The following MARK2 variants were observed in gnomAD, a reference collection of about 807,000 sequenced individuals.
The protein encoded by MARK2 is serine/threonine-protein kinase MARK2.
In MARK2, 16 loss-of-function variants were observed where a neutral mutation model predicts 89.8. The observed-to-expected ratio is 0.18, with a 90% CI of 0.12 to 0.27. MARK2 has a LOEUF of 0.27. MARK2 is among the 10% of genes least tolerant of loss of function. The probability of loss-of-function intolerance (pLI) is 1.00; values close to 1 mark genes in which losing one functional copy is unlikely to be tolerated. For synonymous variants in MARK2, 382 were observed against 399.5 expected, an observed-to-expected ratio of 0.96 and a Z score of 0.52; for missense variants, 621 against 1,049.9, an observed-to-expected ratio of 0.59 and a Z score of 5.65.
At chr11:63,881,752 C>T (rs1255560704) in intron 1 of MARK2, among the ~76,000 whole-genome samples, 1 of 152,038 alleles carries the variant, frequency 6.6e-6, no homozygotes, top group Non-Finnish European at 1.5e-5. Flanking sequence ...TTGAGGCCAG[C>T]CTGGGCAAGA....
Position 63,906,133 on chromosome 11 carries a change from G to GTT in MARK2, c.1961+20_1961+21insTT. ...CCAGAAGGTAGGCGTTGAGCCCGCTGTGTGTGTGTGTGTGTGTGTGTGTCT... is the reference window on the plus strand; with the variant it reads ...CCAGAAGGTAGGCGTTGAGCCCGCTGTTTGTGTGTGTGTGTGTGTGTGTGTCT... On this transcript the variant is annotated intron_variant, in intron 17 of 18. Transcript: ENST00000402010. 5.2e-6 allele frequency: 1 copy of GTT among 193,008 alleles called. No homozygotes were observed. Among genetic ancestry groups the GTT allele is most frequent in the Non-Finnish European group, 7.5e-6 (1 of 134,060 alleles). 12.0% of individuals were successfully genotyped at this position (193,008 alleles called of 1,614,324 possible).
In MARK2 at chr11:63,853,968, G is replaced by A. The variant is rs1277104425; in HGVS notation, c.54+14408G>A. 3.3e-5 allele frequency among the ~76,000 whole-genome samples: 5 copies of A among 152,194 alleles called. No homozygotes were observed. In the East Asian group the frequency reaches 9.6e-4, roughly 29 times the overall value. On this transcript the variant is annotated intron_variant, in intron 1 of 18. Transcript: ENST00000402010. ...GCTCACTGCCACCTCTGCCTCCTGG[G>A]TTCAAGTGATTCTCCTGCCTCAGCC...
chr11:63,902,862 C>T lies in MARK2; in HGVS notation c.1416+80C>T. 1 of 1,274,624 alleles carries T rather than the reference C, an allele frequency of 7.8e-7. No homozygotes were observed. Among genetic ancestry groups the T allele is most frequent in the South Asian group, 1.3e-5 (1 of 79,372 alleles). The allele number at this position is 1,274,624 out of a possible 1,614,324, so 79.0% of individuals were successfully genotyped here. Reference sequence around the variant, plus strand: ...CAGGCAGCTCTTCTCTTAATTCAGACTCTGTTCCCTTTGGCTACTACTTCT... The same window carrying T: ...CAGGCAGCTCTTCTCTTAATTCAGATTCTGTTCCCTTTGGCTACTACTTCT... On this transcript the variant is annotated intron_variant, in intron 13 of 18. Coordinates refer to ENST00000402010, the MANE Select transcript of MARK2 (RefSeq NM_001039469.3). The surrounding 1 kb of genome is among the most constrained non-coding windows in gnomAD (Gnocchi z 4.2).
At chr11:63,890,128 G>C in intron 1 of MARK2, 1 of 602,526 alleles carries the variant, frequency 1.7e-6, no homozygotes, top group East Asian at 6.4e-5. Flanking sequence ...GCTAGGTGAG[G>C]AAGTTGCCTC....
Position 63,903,119 on chromosome 11 carries a change from C to G in MARK2, c.1475C>G (p.Ala492Gly), listed in dbSNP as rs749385715. The G allele has an allele frequency of 2.5e-6, 4 of 1,613,912 alleles. No individual in the cohort carries two copies. The South Asian group carries it at 3.3e-5, about 13-fold the overall frequency. Reference sequence around the variant, plus strand: ...AGGAATTCCCCACTTTTGGAGCGGGCCAGCCTCGGCCAGGCCTCCATCCAG... The same window carrying G: ...AGGAATTCCCCACTTTTGGAGCGGGGCAGCCTCGGCCAGGCCTCCATCCAG... ...RSRNSPLLER[A>G]SLGQASIQNG... The change falls in exon 14 of 19, where the codon GCC becomes GGC. Residue 492 changes from alanine to glycine, a missense_variant. Coordinates refer to ENST00000402010, the MANE Select transcript of MARK2 (RefSeq NM_001039469.3). The surrounding 1 kb of genome is among the most constrained non-coding windows in gnomAD (Gnocchi z 5.1).
chr11:63,856,768 G>GGTTTTTTTTTTTTTT (rs1565100741), intron 1 of MARK2, among the ~76,000 whole-genome samples: 1 of 53,796 alleles, frequency 1.9e-5, no homozygotes, highest in African/African-American at 7.3e-5. Context: ...AATTTTTCAT[G>GGTTTTTTTTTTTTTT]TTTTTTTTTT....
intron 1 of MARK2, among the ~76,000 whole-genome samples, chr11:63,873,818 G>T (rs1405742877): frequency 6.6e-6 from 1 of 152,142 alleles, no homozygotes; most frequent in Non-Finnish European, 1.5e-5. Context: ...GCTAATTTTT[G>T]TATTTTTAAT....
rs139322480 is a variant in MARK2 at position 63,893,660 on chromosome 11, C to A, written c.55-1499C>A. Among the ~76,000 whole-genome samples, 5 of 151,998 alleles carry A rather than the reference C, an allele frequency of 3.3e-5. No homozygotes were observed. In the East Asian group the frequency reaches 9.7e-4, roughly 30 times the overall value. ...TGTATGTTTTTTGTCTAGACCATAC[C>A]CTTTTTGTACAGGTTGAACATCCGT... On this transcript the variant is annotated intron_variant, in intron 1 of 18. Coordinates refer to ENST00000402010, the MANE Select transcript of MARK2 (RefSeq NM_001039469.3).
chr11:63,909,304 C>T lies in MARK2; in HGVS notation c.*67C>T, dbSNP rs987714841. On this transcript the variant is annotated 3_prime_UTR_variant, in exon 19 of 19. Transcript: ENST00000402010. ...ACGGGCTGCCGGCCGCTGCGCCGCC[C>T]CACCTGGGCGAGACTGCAGCGATGG... 1.0e-5 allele frequency: 15 copies of T among 1,456,576 alleles called. No homozygotes were observed. The South Asian group carries it at 2.1e-4, about 20-fold the overall frequency. 90.2% of individuals were successfully genotyped at this position (1,456,576 alleles called of 1,614,324 possible). A position where few individuals can be genotyped will look rare whatever the true frequency, so the allele number is the denominator to read the frequency against.
At chr11:63,864,805 T>G (rs996037189) in intron 1 of MARK2, among the ~76,000 whole-genome samples, 1 of 151,110 alleles carries the variant, frequency 6.6e-6, no homozygotes, top group Non-Finnish European at 1.5e-5. Context: ...GAGCCCAGGA[T>G]TTTGAGACCA....
At chr11:63,867,486 A>G (rs939018472) in intron 1 of MARK2, among the ~76,000 whole-genome samples, 2 of 152,262 alleles carry the variant, frequency 1.3e-5, no homozygotes, top group Non-Finnish European at 2.9e-5. Flanking sequence ...AACTTCAGGA[A>G]TCCCTTCCAC....
At chr11:63,859,247 T>G (rs1937613576) in intron 1 of MARK2, among the ~76,000 whole-genome samples, 1 of 152,126 alleles carries the variant, frequency 6.6e-6, no homozygotes, top group Non-Finnish European at 1.5e-5. Flanking sequence ...CTGGGTGGCT[T>G]GAGACCTGAC....
At position 63,910,772 on chromosome 11, in the gene MARK2, C is replaced by T. The variant is rs1941710364; in HGVS notation, c.*1535C>T. The stretch of plus-strand genomic sequence containing the variant: ...GGAAGGGGCCTTGCCAACCTCAGCC[C>T]TCCTGCCCCACACTCCTACTGCGGC... On this transcript the variant is annotated 3_prime_UTR_variant, in exon 19 of 19. Coordinates refer to ENST00000402010, the MANE Select transcript of MARK2 (RefSeq NM_001039469.3). 1 of 152,136 alleles carries T rather than the reference C, an allele frequency of 6.6e-6. No individual in the cohort carries two copies. The highest frequency in any genetic ancestry group is 1.5e-5 in the Non-Finnish European group (1 of 68,062). 9.4% of individuals were successfully genotyped at this position (152,136 alleles called of 1,614,324 possible).
At chr11:63,888,578 C>T in intron 1 of MARK2, 1 of 1,098,540 alleles carries the variant, frequency 9.1e-7, no homozygotes, top group Non-Finnish European at 1.1e-6. Flanking sequence ...TGCCCCTTCC[C>T]TCCCACCTTG....
intron 1 of MARK2, chr11:63,888,680 C>G (rs1206401885): frequency 5.9e-6 from 7 of 1,184,548 alleles, no homozygotes; most frequent in Non-Finnish European, 7.4e-6. Flanking sequence ...CTGTTGCTCT[C>G]CTTGCCAAAC....
intron 1 of MARK2, among the ~76,000 whole-genome samples, chr11:63,871,400 G>T (rs1938442699): frequency 6.6e-6 from 1 of 151,332 alleles, no homozygotes; most frequent in Admixed American, 6.6e-5. Flanking sequence ...TGGCTGAAGA[G>T]TATTCACCGT....
rs1378731239 is a variant in MARK2, at chr11:63,903,587, C to T, written c.1515-399C>T. 6.6e-6 allele frequency among the ~76,000 whole-genome samples: 1 copy of T among 152,148 alleles called. No individual in the cohort carries two copies. The highest frequency in any genetic ancestry group is 2.4e-5 in the African/African-American group (1 of 41,410). On this transcript the variant is annotated intron_variant, in intron 14 of 18. Coordinates refer to ENST00000402010, the MANE Select transcript of MARK2 (RefSeq NM_001039469.3). The surrounding 1 kb of genome is among the most constrained non-coding windows in gnomAD (Gnocchi z 5.1). ...CCAGAGCTCCCCAGCCTTCACCGGC[C>T]GCATTTCTTGGTGTTGCATTCCTGG...
chr11:63,895,128 A>AGGCT, intron 1 of MARK2, 31 bp from the exon 2 acceptor site: 2 of 1,594,598 alleles, frequency 1.3e-6, no homozygotes, highest in Non-Finnish European at 1.7e-6. Flanking sequence ...GAAGTGTGGC[A>AGGCT]TGTAATGGTA....
At chr11:63,845,254 G>C (rs1217938734) in intron 1 of MARK2, among the ~76,000 whole-genome samples, 2 of 152,156 alleles carry the variant, frequency 1.3e-5, no homozygotes, top group Admixed American at 1.3e-4. Flanking sequence ...AGGAAGTATA[G>C]AAAGGATTTG....
Sources: gnomAD v4.1 joint callset for allele counts (sites outside exome capture counted in the v4.1 genomes callset) on GRCh38, gnomAD v4.1.1 for gene constraint, Gnocchi (gnomAD v3.1) non-coding constraint, MANE v1.5 for transcripts, NCBI Gene and HGNC (gene_info 2026-07-23, HGNC 2026-07-21) for gene names.